PPM1E: variants seen among roughly 807,000 people sequenced by gnomAD.
PPM1E encodes protein phosphatase, Mg2+/Mn2+ dependent 1E.
A neutral mutation model predicts 65.9 loss-of-function variants in PPM1E; 20 were observed. The ratio of observed to expected loss-of-function variants is 0.30; its 90% CI spans 0.21 to 0.44. The LOEUF (loss-of-function observed/expected upper bound fraction) is 0.44. PPM1E is among the 20% of genes least tolerant of loss of function. PPM1E has a pLI of 1.00. For missense variants in PPM1E, 713 were observed against 953.1 expected, an observed-to-expected ratio of 0.75 and a Z score of 3.32; for synonymous variants, 352 against 374.9, an observed-to-expected ratio of 0.94 and a Z score of 0.70.
intron 1 of PPM1E, among the ~76,000 whole-genome samples, chr17:58,784,553 TCTCA>T (rs2050080633): frequency 6.8e-6 from 1 of 146,920 alleles, no homozygotes; most frequent in South Asian, 2.2e-4. Flanking sequence ...TGAGACGGAG[TCTCA>T]CTCTGTCGCC....
chr17:58,921,205 G>T (rs2051745855), intron 1 of PPM1E, among the ~76,000 whole-genome samples: 2 of 152,182 alleles, frequency 1.3e-5, no homozygotes, highest in South Asian at 4.1e-4. Flanking sequence ...AGTACAGATT[G>T]CTCTTTCATG....
At position 58,976,857 on chromosome 17, in the gene PPM1E, G is replaced by C. The variant is rs371073842; in HGVS notation, c.1211-3117G>C. Among the ~76,000 whole-genome samples, 33 of 152,222 alleles carry C rather than the reference G, an allele frequency of 2.2e-4. No homozygotes were observed. In the East Asian group the frequency reaches 6.2e-3, roughly 28 times the overall value. The stretch of plus-strand genomic sequence containing the variant: ...AAAACAAGATTTTTGGGAACAGTGT[G>C]ACTCAGATCACATTTATTTTTAGAG... On this transcript the variant is annotated intron_variant, in intron 6 of 6. Transcript: ENST00000308249.
Position 58,881,084 on chromosome 17 carries a change from A to G in PPM1E, c.465-74565A>G, listed in dbSNP as rs9909803. On this transcript the variant is annotated intron_variant, in intron 1 of 6. Transcript: ENST00000308249. ...GTCTTGCTTTGTTTTTGCAATCCTA[A>G]TTAAGGATAATATTCACTTCCCATC... Among the ~76,000 whole-genome samples, 11 of 152,296 alleles carry G rather than the reference A, an allele frequency of 7.2e-5. No homozygotes were observed. The East Asian group carries it at 2.1e-3, about 29-fold the overall frequency.
chr17:58,962,812 G>C (rs1017358960), intron 2 of PPM1E, among the ~76,000 whole-genome samples: 3 of 152,156 alleles, frequency 2.0e-5, no homozygotes, highest in Non-Finnish European at 4.4e-5. Context: ...AGGCATGGCA[G>C]CTCATGCCTG....
chr17:58,960,333 A>C (rs1370875182), intron 2 of PPM1E, among the ~76,000 whole-genome samples: 2 of 152,160 alleles, frequency 1.3e-5, no homozygotes, highest in Non-Finnish European at 1.5e-5. Flanking sequence ...TCCAACTTGG[A>C]TGGTTTCCCA....
rs55779609 is a variant in PPM1E at position 58,966,418 on chromosome 17, T to TAA, written c.783+547_783+548dup. ...ATTATATCTCAATAAAGCAGTTTTG[T>TAA]AAAAAAAAAAAAAAAAAAAAAAACC... On this transcript the variant is annotated intron_variant, in intron 3 of 6. Coordinates refer to ENST00000308249, the MANE Select transcript of PPM1E (RefSeq NM_014906.5). 4.7e-3 allele frequency: 574 copies of TAA among 122,352 alleles called. 3 individuals are homozygous for TAA. The highest frequency in any genetic ancestry group is 0.016 in the African/African-American group (401 of 24,856). The allele number at this position is 122,352 out of a possible 1,614,324, so 7.6% of individuals were successfully genotyped here. A position where few individuals can be genotyped will look rare whatever the true frequency, so the allele number is the denominator to read the frequency against.
intron 1 of PPM1E, among the ~76,000 whole-genome samples, chr17:58,852,097 T>A (rs1352853590): frequency 6.6e-6 from 1 of 152,198 alleles, no homozygotes; most frequent in East Asian, 1.9e-4. Flanking sequence ...GGATATAATC[T>A]CCTGGTGTGC....
intron 2 of PPM1E, among the ~76,000 whole-genome samples, chr17:58,965,234 C>A (rs750728270): frequency 6.6e-6 from 1 of 152,004 alleles, no homozygotes; most frequent in Non-Finnish European, 1.5e-5. Flanking sequence ...TTTTCGTAGG[C>A]CTTCCATATT....
chr17:58,955,174 G>T (rs2143643306), intron 1 of PPM1E, among the ~76,000 whole-genome samples: 1 of 152,238 alleles, frequency 6.6e-6, no homozygotes, highest in South Asian at 2.1e-4. Flanking sequence ...AGACCAGCCT[G>T]ACCAACATGG....
intron 1 of PPM1E, among the ~76,000 whole-genome samples, chr17:58,776,115 A>G (rs937504687): frequency 2.0e-5 from 3 of 152,224 alleles, no homozygotes; most frequent in African/African-American, 7.2e-5. Context: ...GCTTGAGCCC[A>G]GGAGTTTGAG....
intron 6 of PPM1E, among the ~76,000 whole-genome samples, chr17:58,975,220 T>C (rs1184637361): frequency 6.6e-6 from 1 of 152,238 alleles, no homozygotes; most frequent in East Asian, 1.9e-4. Context: ...AACACCTATT[T>C]CTCCTGATCT....
chr17:58,840,664 T>G (rs1598604403), intron 1 of PPM1E, among the ~76,000 whole-genome samples: 1 of 151,606 alleles, frequency 6.6e-6, no homozygotes, highest in East Asian at 1.9e-4. Context: ...GTGAGAGGTA[T>G]GTAAAAGAAG....
intron 4 of PPM1E, among the ~76,000 whole-genome samples, chr17:58,971,671 A>G (rs1034888159): frequency 1.3e-5 from 2 of 152,196 alleles, no homozygotes; most frequent in African/African-American, 4.8e-5. Flanking sequence ...GATGTTTTAT[A>G]TATCATTTTA....
chr17:58,946,889 C>T (rs781647576), intron 1 of PPM1E, among the ~76,000 whole-genome samples: 2 of 151,732 alleles, frequency 1.3e-5, no homozygotes, highest in Non-Finnish European at 2.9e-5. Context: ...CTAAGAAAAC[C>T]ATTGCCTAAT....
At chr17:58,947,495 C>T (rs1004199954) in intron 1 of PPM1E, among the ~76,000 whole-genome samples, 3 of 151,362 alleles carry the variant, frequency 2.0e-5, no homozygotes, top group African/African-American at 7.3e-5. Flanking sequence ...CCTTGGCCTC[C>T]CAAGGGGCTG....
chr17:58,962,761 C>A (rs559668631), intron 2 of PPM1E, among the ~76,000 whole-genome samples: 1 of 152,204 alleles, frequency 6.6e-6, no homozygotes, highest in Non-Finnish European at 1.5e-5. Flanking sequence ...TTTAAATTCA[C>A]CCTTGGTTTT....
intron 1 of PPM1E, among the ~76,000 whole-genome samples, chr17:58,849,491 C>T (rs960395914): frequency 6.6e-6 from 1 of 152,176 alleles, no homozygotes; most frequent in African/African-American, 2.4e-5. Context: ...TCATTGGTTT[C>T]AAAGAACACC....
intron 1 of PPM1E, among the ~76,000 whole-genome samples, chr17:58,839,628 T>C (rs987244417): frequency 1.3e-5 from 2 of 152,170 alleles, no homozygotes; most frequent in Admixed American, 6.6e-5. Context: ...AGAAAATAGA[T>C]AGCAGATAGT....
intron 5 of PPM1E, 71 bp downstream of exon 5, chr17:58,972,346 A>G: frequency 6.8e-7 from 1 of 1,465,630 alleles, no homozygotes; most frequent in Non-Finnish European, 9.2e-7. Flanking sequence ...ATTGATTAGG[A>G]TTCACTTACT....
Sources: gnomAD v4.1 joint callset for allele counts (sites outside exome capture counted in the v4.1 genomes callset) on GRCh38, gnomAD v4.1.1 for gene constraint, MANE v1.5 for transcripts, NCBI Gene and HGNC (gene_info 2026-07-23, HGNC 2026-07-21) for gene names.